Variants in PTPRM observed in about 807,000 individuals in gnomAD.
PTPRM encodes the protein protein tyrosine phosphatase receptor type M.
PTPRM carries 47 observed loss-of-function variants against 186.7 expected under a neutral mutation model. The observed-to-expected ratio is 0.25, with a 90% CI of 0.20 to 0.32. The LOEUF is 0.32. PTPRM is among the 10% of genes least tolerant of loss of function. The pLI is 1.00. For synonymous variants in PTPRM, 668 were observed against 674.9 expected, an observed-to-expected ratio of 0.99 and a Z score of 0.16; for missense variants, 1,494 against 1,865.0, an observed-to-expected ratio of 0.80 and a Z score of 3.66.
At chr18:7,617,490 C>A (rs1475737827) in intron 1 of PTPRM, among the ~76,000 whole-genome samples, 1 of 152,076 alleles carries the variant, frequency 6.6e-6, no homozygotes, top group East Asian at 1.9e-4. Context: ...TTTTATTTCC[C>A]TGGAGCAACT....
intron 9 of PTPRM, among the ~76,000 whole-genome samples, chr18:8,080,359 A>C (rs502843): frequency 0.6 from 90,466 of 152,012 alleles, 27,129 homozygotes; most frequent in Non-Finnish European, 0.64. Context: ...TAACACATGG[A>C]TTGTTTTAAA....
chr18:8,240,777 GGAGAGA>G (rs747648655), intron 14 of PTPRM, among the ~76,000 whole-genome samples: 24 of 57,334 alleles, frequency 4.2e-4, no homozygotes, highest in Non-Finnish European at 6.0e-4. Flanking sequence ...AGAGAGAGAG[GGAGAGA>G]GAGAGAGAGA....
intron 14 of PTPRM, among the ~76,000 whole-genome samples, chr18:8,211,601 C>T (rs147881516): frequency 0.013 from 2,010 of 151,962 alleles, 46 homozygotes; most frequent in African/African-American, 0.046. Context: ...GACAGGGTTT[C>T]ACCATGTTAG....
intron 2 of PTPRM, among the ~76,000 whole-genome samples, chr18:7,832,108 C>A (rs2045790972): frequency 6.6e-6 from 1 of 152,164 alleles, no homozygotes; most frequent in Non-Finnish European, 1.5e-5. Flanking sequence ...CTATCTCTTC[C>A]ATATGCTGAT....
chr18:7,757,131 C>T (rs557326169), intron 1 of PTPRM, among the ~76,000 whole-genome samples: 173 of 152,356 alleles, frequency 1.1e-3, no homozygotes, highest in African/African-American at 3.8e-3. Context: ...CCCAGCTACA[C>T]CTTAAATGCC....
intron 7 of PTPRM, among the ~76,000 whole-genome samples, chr18:7,965,060 G>A (rs1266695987): frequency 3.5e-5 from 4 of 114,040 alleles, no homozygotes; most frequent in African/African-American, 7.6e-5. Context: ...TTTTTGAGAC[G>A]GAGTTTCGCT....
intron 7 of PTPRM, among the ~76,000 whole-genome samples, chr18:7,989,476 A>G (rs76781240): frequency 2.2e-3 from 340 of 152,276 alleles, no homozygotes; most frequent in African/African-American, 7.7e-3. Context: ...TGTAAGCATA[A>G]TAAGAAGCAC....
intron 22 of PTPRM, among the ~76,000 whole-genome samples, chr18:8,335,506 ATGTAAG>A (rs1000271052): frequency 6.6e-6 from 1 of 152,244 alleles, no homozygotes; most frequent in Non-Finnish European, 1.5e-5. Flanking sequence ...TCACATGTTT[ATGTAAG>A]TGTATTTGTT....
At chr18:8,232,854 A>G (rs569534728) in intron 14 of PTPRM, among the ~76,000 whole-genome samples, 1 of 152,296 alleles carries the variant, frequency 6.6e-6, no homozygotes, top group Non-Finnish European at 1.5e-5. Flanking sequence ...TCTAGTGAAC[A>G]AGGGCCCTGA....
chr18:8,203,379 A>G (rs993266789), intron 14 of PTPRM, among the ~76,000 whole-genome samples: 1 of 152,232 alleles, frequency 6.6e-6, no homozygotes, highest in African/African-American at 2.4e-5. Flanking sequence ...GTTTTTGTAG[A>G]ACAACTGGCT....
chr18:7,946,748 TG>T (rs1351051526), intron 5 of PTPRM: 1 of 316,070 alleles, frequency 3.2e-6, no homozygotes, highest in Non-Finnish European at 6.2e-6. Context: ...CGGCATTGTG[TG>T]GTATAAACAA....
At chr18:8,233,022 A>G (rs530646491) in intron 14 of PTPRM, among the ~76,000 whole-genome samples, 60 of 152,314 alleles carry the variant, frequency 3.9e-4, no homozygotes, top group Middle Eastern at 6.8e-3. Flanking sequence ...GATAACTTCA[A>G]GGAGTCCCGC....
intron 14 of PTPRM, among the ~76,000 whole-genome samples, chr18:8,174,165 G>A (rs78999323): frequency 0.02 from 3,081 of 152,238 alleles, 111 homozygotes; most frequent in African/African-American, 0.07. Flanking sequence ...ATAATGGCTG[G>A]TAACCATTTT....
chr18:7,796,790 G>A (rs1288969791), intron 2 of PTPRM, among the ~76,000 whole-genome samples: 1 of 152,186 alleles, frequency 6.6e-6, no homozygotes, highest in Non-Finnish European at 1.5e-5. Context: ...CAGTCATCTG[G>A]TGACCATCTC....
chr18:7,757,547 G>C (rs1056876655), intron 1 of PTPRM, among the ~76,000 whole-genome samples: 6 of 152,178 alleles, frequency 3.9e-5, no homozygotes, highest in Non-Finnish European at 7.3e-5. Flanking sequence ...GCCAGCAGCA[G>C]GTGGGCGTTT....
chr18:8,255,847 C>T (rs953520485), intron 19 of PTPRM, among the ~76,000 whole-genome samples: 2 of 152,044 alleles, frequency 1.3e-5, no homozygotes, highest in East Asian at 1.9e-4. Context: ...TGATGGTGGG[C>T]GGGCATGCCT....
At chr18:7,761,439 T>A (rs1001027488) in intron 1 of PTPRM, among the ~76,000 whole-genome samples, 7 of 152,182 alleles carry the variant, frequency 4.6e-5, no homozygotes, top group African/African-American at 1.7e-4. Context: ...TCCAGTATGA[T>A]GCACATAAAG....
intron 1 of PTPRM, among the ~76,000 whole-genome samples, chr18:7,655,148 A>G (rs917893965): frequency 3.3e-5 from 5 of 152,094 alleles, no homozygotes; most frequent in African/African-American, 9.7e-5. Context: ...TAGTTCTTGA[A>G]TAGGTCCTTT....
chr18:8,294,996 A>G (rs1353603227), intron 19 of PTPRM, among the ~76,000 whole-genome samples: 1 of 152,224 alleles, frequency 6.6e-6, no homozygotes, highest in Non-Finnish European at 1.5e-5. Flanking sequence ...GGCCACAGAA[A>G]AGACATGGAC....
Sources: allele counts gnomAD v4.1 joint callset (sites outside exome capture counted in the v4.1 genomes callset), GRCh38; gene constraint gnomAD v4.1.1; transcripts MANE v1.5; gene names NCBI Gene and HGNC (gene_info 2026-07-23, HGNC 2026-07-21).